Variants in CPEB3 observed in about 807,000 individuals in gnomAD.
CPEB3 encodes cytoplasmic polyadenylation element-binding protein 3.
In CPEB3, 20 loss-of-function variants were observed where a neutral mutation model predicts 67.2. That is an observed-to-expected ratio of 0.30 (90% CI 0.21 to 0.43). The LOEUF (loss-of-function observed/expected upper bound fraction) is 0.43, where lower values mean the gene tolerates loss of function less well. CPEB3 is among the 20% of genes least tolerant of loss of function. The pLI is 1.00. For missense variants in CPEB3, 746 were observed against 968.6 expected, an observed-to-expected ratio of 0.77 and a Z score of 3.05; for synonymous variants, 376 against 393.1, an observed-to-expected ratio of 0.96 and a Z score of 0.51.
intron 1 of CPEB3, among the ~76,000 whole-genome samples, chr10:92,277,862 G>T (rs1842060580): frequency 6.6e-6 from 1 of 152,018 alleles, no homozygotes; most frequent in Non-Finnish European, 1.5e-5. Context: ...CTGTACTCCA[G>T]CCTGGGGGAC....
chr10:92,266,175 ATTTAT>A (rs1457273115), intron 1 of CPEB3, among the ~76,000 whole-genome samples: 6 of 152,286 alleles, frequency 3.9e-5, no homozygotes, highest in African/African-American at 7.2e-5. Context: ...TAAGAAATAA[ATTTAT>A]TTTCTTTATA....
intron 7 of CPEB3, among the ~76,000 whole-genome samples, chr10:92,093,420 G>A: frequency 6.6e-6 from 1 of 152,118 alleles, no homozygotes; most frequent in Non-Finnish European, 1.5e-5. Context: ...ACTTCCACTT[G>A]AAAGGTAGCA....
chr10:92,205,226 T>C (rs1480153281), intron 2 of CPEB3, among the ~76,000 whole-genome samples: 2 of 152,226 alleles, frequency 1.3e-5, no homozygotes, highest in African/African-American at 2.4e-5. Flanking sequence ...TGCTGGTTTA[T>C]TTTTCAAAAG....
chr10:92,056,267 C>T (rs532110767), intron 9 of CPEB3, among the ~76,000 whole-genome samples: 1 of 152,268 alleles, frequency 6.6e-6, no homozygotes, highest in African/African-American at 2.4e-5. Flanking sequence ...ACTACGACCT[C>T]TCAAACAGCA....
intron 3 of CPEB3, among the ~76,000 whole-genome samples, chr10:92,191,998 CCCTAAG>C (rs1409966575): frequency 6.6e-6 from 1 of 152,090 alleles, no homozygotes; most frequent in Non-Finnish European, 1.5e-5. Flanking sequence ...CACTAGCTGC[CCCTAAG>C]CCTGTGTGGT....
chr10:92,217,699 T>C (rs1850497952), intron 2 of CPEB3, among the ~76,000 whole-genome samples: 2 of 151,918 alleles, frequency 1.3e-5, no homozygotes, highest in African/African-American at 4.8e-5. Flanking sequence ...GAGGCACAGG[T>C]TGCGGTGAGC....
chr10:92,120,642 CA>C (rs1438757991), intron 6 of CPEB3, among the ~76,000 whole-genome samples: 2 of 152,070 alleles, frequency 1.3e-5, no homozygotes. Flanking sequence ...ATTACTGAAA[CA>C]ATCTGGATAT....
chr10:92,271,251 A>G (rs1404437137), intron 1 of CPEB3, among the ~76,000 whole-genome samples: 2 of 152,218 alleles, frequency 1.3e-5, no homozygotes, highest in Non-Finnish European at 1.5e-5. Flanking sequence ...TTTCAAAAAC[A>G]TATTACTCTA....
chr10:92,167,949 A>C (rs1446719901), intron 4 of CPEB3, among the ~76,000 whole-genome samples: 1 of 152,116 alleles, frequency 6.6e-6, no homozygotes, highest in Non-Finnish European at 1.5e-5. Context: ...ATTAAAGATC[A>C]CTGATCACAA....
chr10:92,233,199 A>C (rs934695177), intron 2 of CPEB3, among the ~76,000 whole-genome samples: 2 of 152,118 alleles, frequency 1.3e-5, no homozygotes, highest in African/African-American at 4.8e-5. Flanking sequence ...CAAACAAGAC[A>C]ATTTATATTA....
At chr10:92,249,926 G>A (rs1166865490) in intron 1 of CPEB3, among the ~76,000 whole-genome samples, 2 of 150,180 alleles carry the variant, frequency 1.3e-5, no homozygotes, top group South Asian at 2.1e-4. Flanking sequence ...AGAGGCTGAG[G>A]CAGGAGAATC....
At chr10:92,142,050 AAAAC>A (rs1338569908) in intron 6 of CPEB3, among the ~76,000 whole-genome samples, 1 of 151,722 alleles carries the variant, frequency 6.6e-6, no homozygotes, top group Non-Finnish European at 1.5e-5. Context: ...AAAAAAAAAA[AAAAC>A]AAAGAACAAG....
chr10:92,154,238 A>G (rs923034871), intron 4 of CPEB3, among the ~76,000 whole-genome samples: 2 of 152,236 alleles, frequency 1.3e-5, no homozygotes, highest in Non-Finnish European at 2.9e-5. Flanking sequence ...AACACTCCCA[A>G]AGAAAAATGG....
chr10:92,192,357 C>T (rs1564852359), intron 3 of CPEB3, 120 bp downstream of exon 3: 2 of 962,016 alleles, frequency 2.1e-6, no homozygotes, highest in South Asian at 1.7e-5. Flanking sequence ...TTCCACAATG[C>T]TTTACAGAAG....
At chr10:92,244,082 C>T (rs925942955) in intron 1 of CPEB3, among the ~76,000 whole-genome samples, 7 of 152,244 alleles carry the variant, frequency 4.6e-5, no homozygotes, top group Admixed American at 3.9e-4. Flanking sequence ...CAGGGTGGCT[C>T]ATGCCTGTAA....
chr10:92,277,416 G>A (rs949148258), intron 1 of CPEB3, among the ~76,000 whole-genome samples: 1 of 152,138 alleles, frequency 6.6e-6, no homozygotes, highest in African/African-American at 2.4e-5. Flanking sequence ...CCATTAGATT[G>A]TTTTGGCATC....
intron 7 of CPEB3, among the ~76,000 whole-genome samples, chr10:92,110,308 C>T (rs1844672458): frequency 6.6e-6 from 1 of 152,210 alleles, no homozygotes; most frequent in Non-Finnish European, 1.5e-5. Flanking sequence ...CTATTTGCCA[C>T]ATCTAGCACC....
intron 9 of CPEB3, among the ~76,000 whole-genome samples, chr10:92,072,612 G>A (rs1590074693): frequency 6.6e-6 from 1 of 152,190 alleles, no homozygotes; most frequent in African/African-American, 2.4e-5. Context: ...ATCATACCAC[G>A]ATTGGAAAAA....
chr10:92,239,358 CAG>C lies in CPEB3; in HGVS notation c.991_992del (p.Leu331ValfsTer8). Reference sequence around the variant, plus strand: ...AGCAGAGTATTACCTGAAATGGCAACAGATTGTTACCATTATCGGTCCGGAAA... The same window carrying C: ...AGCAGAGTATTACCTGAAATGGCAACATTGTTACCATTATCGGTCCGGAAA... ...NAFRTDNGNN[L>X]LPFQDRSRPY... On this transcript the variant is annotated frameshift_variant, in exon 2 of 10. Coordinates refer to ENST00000265997, the MANE Select transcript of CPEB3 (RefSeq NM_014912.5). LOFTEE classifies it high-confidence loss of function. The surrounding 1 kb of genome is among the most constrained non-coding windows in gnomAD (Gnocchi z 6.0). The C allele has an allele frequency of 6.2e-7, 1 of 1,605,780 alleles. No individual in the cohort carries two copies. The highest frequency in any genetic ancestry group is 8.5e-7 in the Non-Finnish European group (1 of 1,176,396).
Sources: gnomAD v4.1 joint callset for allele counts (sites outside exome capture counted in the v4.1 genomes callset) on GRCh38, gnomAD v4.1.1 for gene constraint, Gnocchi (gnomAD v3.1) non-coding constraint, MANE v1.5 for transcripts, NCBI Gene and HGNC (gene_info 2026-07-23, HGNC 2026-07-21) for gene names.